KIAA0825: variants seen among roughly 807,000 people sequenced by gnomAD.
KIAA0825 encodes the protein uncharacterized protein KIAA0825.
KIAA0825 carries 119 observed loss-of-function variants against 147.6 expected under a neutral mutation model. The observed-to-expected ratio is 0.81, with a 90% CI of 0.69 to 0.94. KIAA0825 has a LOEUF of 0.94. Among genes scored for constraint, KIAA0825 ranks in the 40% least tolerant of loss-of-function variants. KIAA0825 has a pLI of 0.00. For synonymous variants in KIAA0825, 470 were observed against 518.1 expected (o/e 0.91, Z 1.26); for missense variants, 1,381 against 1,472.7 (o/e 0.94, Z 1.02).
intron 13 of KIAA0825, among the ~76,000 whole-genome samples, chr5:94,451,112 T>C (rs1758346520): frequency 1.3e-5 from 2 of 152,210 alleles, no homozygotes; most frequent in African/African-American, 4.8e-5. Flanking sequence ...TGGTACACAC[T>C]CATCACTCTA....
At chr5:94,369,137 G>A (rs1468847804) in intron 20 of KIAA0825, among the ~76,000 whole-genome samples, 2 of 152,002 alleles carry the variant, frequency 1.3e-5, no homozygotes, top group Non-Finnish European at 1.5e-5. Context: ...CAGCCTAGGT[G>A]ACAGAGTGAG....
At chr5:94,588,950 C>A (rs182406518) in intron 1 of KIAA0825, among the ~76,000 whole-genome samples, 30 of 152,106 alleles carry the variant, frequency 2.0e-4, no homozygotes, top group African/African-American at 7.2e-4. Context: ...TGTTGTCACT[C>A]ATAAACGGGA....
In KIAA0825 at chr5:94,344,603, C is replaced by G. The variant is rs1053419419; in HGVS notation, c.3710+39765G>C. ...AGGACTGAAACAGCTATTTGTTCATCCATGTTCATGGCAATATTCTTCATA... is the reference window on the plus strand; with the variant it reads ...AGGACTGAAACAGCTATTTGTTCATGCATGTTCATGGCAATATTCTTCATA... On this transcript the variant is annotated intron_variant, in intron 20 of 20. Coordinates refer to ENST00000682413, the MANE Select transcript of KIAA0825 (RefSeq NM_001145678.3). Among the ~76,000 whole-genome samples, 3 of 152,256 alleles carry G rather than the reference C, an allele frequency of 2.0e-5. No homozygotes were observed. In the South Asian group the frequency reaches 6.2e-4, roughly 32 times the overall value.
At chr5:94,607,158 A>G (rs1667835638) in intron 1 of KIAA0825, among the ~76,000 whole-genome samples, 1 of 152,122 alleles carries the variant, frequency 6.6e-6, no homozygotes, top group Admixed American at 6.6e-5. Flanking sequence ...TGGCACATAG[A>G]AAGTATGAAG....
intron 20 of KIAA0825, among the ~76,000 whole-genome samples, chr5:94,223,692 A>G (rs1213341809): frequency 6.6e-6 from 1 of 152,226 alleles, no homozygotes; most frequent in Non-Finnish European, 1.5e-5. Flanking sequence ...TATAAAAGGA[A>G]CAAAGGAAAT....
intron 20 of KIAA0825, among the ~76,000 whole-genome samples, chr5:94,288,121 CAA>C (rs1364876941): frequency 6.6e-6 from 1 of 152,102 alleles, no homozygotes. Flanking sequence ...TGCTTTCACC[CAA>C]AGTTTTTGAG....
chr5:94,442,128 G>A (rs146332128), intron 13 of KIAA0825, among the ~76,000 whole-genome samples: 1 of 152,220 alleles, frequency 6.6e-6, no homozygotes, highest in East Asian at 1.9e-4. Context: ...GAAAAAAAAT[G>A]ATGAGGATGC....
intron 7 of KIAA0825, among the ~76,000 whole-genome samples, chr5:94,476,836 A>T (rs1417623652): frequency 6.6e-6 from 1 of 152,078 alleles, no homozygotes. Context: ...TATAGCCCAC[A>T]TCCTCTAAGT....
chr5:94,178,111 TCTC>T (rs1197479943), intron 20 of KIAA0825, among the ~76,000 whole-genome samples: 2 of 152,058 alleles, frequency 1.3e-5, no homozygotes, highest in African/African-American at 2.4e-5. Context: ...TTTCCTATCA[TCTC>T]CTCTGTTTCT....
intron 14 of KIAA0825, among the ~76,000 whole-genome samples, chr5:94,434,764 T>C (rs1433498599): frequency 6.6e-6 from 1 of 152,184 alleles, no homozygotes; most frequent in Non-Finnish European, 1.5e-5. Flanking sequence ...TCATCCTTTT[T>C]ATTAGGAACC....
intron 2 of KIAA0825, among the ~76,000 whole-genome samples, chr5:94,579,994 T>C (rs1781780081): frequency 6.6e-6 from 1 of 152,166 alleles, no homozygotes; most frequent in Non-Finnish European, 1.5e-5. Context: ...AAGAATATTA[T>C]TTATCAAAAA....
chr5:94,588,689 T>C (rs1210312995), intron 1 of KIAA0825, among the ~76,000 whole-genome samples: 1 of 152,192 alleles, frequency 6.6e-6, no homozygotes, highest in Non-Finnish European at 1.5e-5. Context: ...CATTACTCCG[T>C]ATATACCCAA....
At chr5:94,327,485 C>A (rs1780817154) in intron 20 of KIAA0825, among the ~76,000 whole-genome samples, 1 of 152,060 alleles carries the variant, frequency 6.6e-6, no homozygotes, top group Admixed American at 6.6e-5. Flanking sequence ...AATGAGAAAT[C>A]GTGACTTTGC....
intron 2 of KIAA0825, among the ~76,000 whole-genome samples, chr5:94,550,290 A>T (rs1243128261): frequency 6.6e-6 from 1 of 152,112 alleles, no homozygotes; most frequent in Admixed American, 6.5e-5. Flanking sequence ...GGGTGAACTC[A>T]CCTTTATACT....
chr5:94,520,520 C>T lies in KIAA0825; in HGVS notation c.698G>A (p.Arg233Lys), dbSNP rs143278447. Residue 233 changes from arginine to lysine, a missense_variant, in exon 5 of 21, where the codon AGA becomes AAA. By Grantham distance (26) the Arg-to-Lys change is conservative. Transcript: ENST00000682413. The part of the protein sequence containing the change: ...LLWNCFPSYN[R>K]DSNLDVIAHG... Reference sequence around the variant, plus strand: ...AGCTATTACATCTAAATTTGAATCTCTGTTGTAAGAAGGAAAGCAGTTCCA... The same window carrying T: ...AGCTATTACATCTAAATTTGAATCTTTGTTGTAAGAAGGAAAGCAGTTCCA... 9.0e-4 allele frequency: 1,444 copies of T among 1,612,956 alleles called. No individual in the cohort carries two copies. Among genetic ancestry groups the T allele is most frequent in the Non-Finnish European group, 1.1e-3 (1,305 of 1,179,166 alleles).
chr5:94,384,431 G>C lies in KIAA0825; in HGVS notation c.3647C>G (p.Ala1216Gly). 6.4e-7 allele frequency: 1 copy of C among 1,551,816 alleles called. No homozygotes were observed. The highest frequency in any genetic ancestry group is 2.0e-5 in the Admixed American group (1 of 50,994). Reference sequence around the variant, plus strand: ...TCTCAGATAATTTGGCAGCAACTTTGCCCAATTCCAGTTCCATTTTGTGAT... The same window carrying C: ...TCTCAGATAATTTGGCAGCAACTTTCCCCAATTCCAGTTCCATTTTGTGAT... ...VSITKWNWNWAKLLPNYLRLD... is the reference protein window; with the variant it reads ...VSITKWNWNWGKLLPNYLRLD... The change falls in exon 20 of 21, where the codon GCA (alanine) becomes GGA (glycine). Residue 1216 changes from alanine (A) to glycine (G), a missense_variant. Coordinates refer to ENST00000682413, the MANE Select transcript of KIAA0825 (RefSeq NM_001145678.3).
chr5:94,515,549 T>C (rs1767085160), intron 5 of KIAA0825, among the ~76,000 whole-genome samples: 1 of 152,040 alleles, frequency 6.6e-6, no homozygotes, highest in Non-Finnish European at 1.5e-5. Context: ...CCCAGCACTT[T>C]GGGAGGCCAA....
intron 20 of KIAA0825, among the ~76,000 whole-genome samples, chr5:94,206,344 T>A (rs1271925600): frequency 2.0e-5 from 3 of 152,172 alleles, no homozygotes; most frequent in East Asian, 3.8e-4. Context: ...TTGTCTGTAA[T>A]TCCTTAGAGA....
chr5:94,470,718 C>T (rs890977357), intron 9 of KIAA0825, among the ~76,000 whole-genome samples: 1 of 152,122 alleles, frequency 6.6e-6, no homozygotes, highest in Admixed American at 6.5e-5. Context: ...CAAATTTATT[C>T]TACTTTTATC....
Sources: gnomAD v4.1 joint callset for allele counts (sites outside exome capture counted in the v4.1 genomes callset) on GRCh38, gnomAD v4.1.1 for gene constraint, MANE v1.5 for transcripts, NCBI Gene and HGNC (gene_info 2026-07-23, HGNC 2026-07-21) for gene names.